PCDHA12: variants seen among roughly 807,000 people sequenced by gnomAD.
PCDHA12 encodes the protein protocadherin alpha-12.
In PCDHA12, 44 loss-of-function variants were observed where a neutral mutation model predicts 60.0. That is an observed-to-expected ratio of 0.73 (90% CI 0.58 to 0.94). The LOEUF (loss-of-function observed/expected upper bound fraction) is 0.94. Ranked by LOEUF, PCDHA12 falls within the 40% of genes least tolerant of loss-of-function variation. The pLI, the probability that PCDHA12 is intolerant of heterozygous loss-of-function variation, is 0.00. For synonymous variants in PCDHA12, 569 were observed against 553.0 expected, an observed-to-expected ratio of 1.03 and a Z score of -0.40; for missense variants, 1,276 against 1,239.7, an observed-to-expected ratio of 1.03 and a Z score of -0.44.
intron 1 of PCDHA12, among the ~76,000 whole-genome samples, chr5:140,962,827 C>T (rs1229108981): frequency 6.6e-6 from 1 of 152,164 alleles, no homozygotes; most frequent in East Asian, 1.9e-4. Flanking sequence ...GACCATTTGT[C>T]TCTTTTTTAT....
intron 1 of PCDHA12, among the ~76,000 whole-genome samples, chr5:140,941,207 CT>C (rs880001940): frequency 0.13 from 13,079 of 103,138 alleles, 665 homozygotes; most frequent in African/African-American, 0.21. Context: ...TTCTTCCTTT[CT>C]TTCTTCCTTT....
chr5:140,965,654 G>A (rs1194762396), intron 1 of PCDHA12, among the ~76,000 whole-genome samples: 5 of 152,150 alleles, frequency 3.3e-5, no homozygotes, highest in Non-Finnish European at 7.4e-5. Flanking sequence ...GAAAGAAAAT[G>A]TCTTGGGTGA....
intron 3 of PCDHA12, among the ~76,000 whole-genome samples, chr5:141,003,794 G>A (rs1158199764): frequency 6.6e-6 from 1 of 152,102 alleles, no homozygotes; most frequent in Non-Finnish European, 1.5e-5. Context: ...AAATCCTATT[G>A]GGTTGTAATC....
chr5:140,885,160 CTTTT>C (rs370486132), intron 1 of PCDHA12, among the ~76,000 whole-genome samples: 314 of 152,080 alleles, frequency 2.1e-3, no homozygotes, highest in African/African-American at 7.4e-3. Context: ...ATTGTCTCTA[CTTTT>C]TTGTCCTCTA....
intron 1 of PCDHA12, among the ~76,000 whole-genome samples, chr5:140,899,342 C>T (rs1317774028): frequency 6.6e-6 from 1 of 152,044 alleles, no homozygotes; most frequent in African/African-American, 2.4e-5. Context: ...ATAGATAGCT[C>T]TTATTATTTT....
chr5:140,962,245 T>C (rs2095666561), intron 1 of PCDHA12, among the ~76,000 whole-genome samples: 1 of 152,170 alleles, frequency 6.6e-6, no homozygotes, highest in Non-Finnish European at 1.5e-5. Context: ...ACCATTTTCT[T>C]CAATGAAAAA....
chr5:140,898,246 A>G (rs377438166), intron 1 of PCDHA12, among the ~76,000 whole-genome samples: 49 of 152,286 alleles, frequency 3.2e-4, no homozygotes, highest in African/African-American at 1.1e-3. Context: ...TTGGTGTTTT[A>G]GACATGAAGT....
intron 1 of PCDHA12, among the ~76,000 whole-genome samples, chr5:140,905,695 C>T (rs1350689939): frequency 6.6e-6 from 1 of 152,134 alleles, no homozygotes; most frequent in African/African-American, 2.4e-5. Context: ...TTGTTTGTGT[C>T]ATTTATGATT....
intron 1 of PCDHA12, among the ~76,000 whole-genome samples, chr5:140,899,251 G>T (rs1322090098): frequency 2.6e-5 from 4 of 152,082 alleles, no homozygotes; most frequent in African/African-American, 9.7e-5. Flanking sequence ...GTGAGAGAGG[G>T]CATCCCTGTC....
At chr5:140,880,198 G>C (rs1360437780) in intron 1 of PCDHA12, among the ~76,000 whole-genome samples, 1 of 152,164 alleles carries the variant, frequency 6.6e-6, no homozygotes, top group Non-Finnish European at 1.5e-5. Flanking sequence ...ATAAACAGAA[G>C]AGGTTTTCCA....
At chr5:140,958,586 T>A (rs561856247) in intron 1 of PCDHA12, among the ~76,000 whole-genome samples, 11 of 152,266 alleles carry the variant, frequency 7.2e-5, no homozygotes, top group African/African-American at 2.6e-4. Flanking sequence ...TAAATGAGCT[T>A]ATGATAATTG....
intron 1 of PCDHA12, chr5:140,926,949 G>C: frequency 3.8e-6 from 6 of 1,592,316 alleles, no homozygotes; most frequent in Non-Finnish European, 5.1e-6. Context: ...GCGCTGCAGC[G>C]GGACAGCTCG....
chr5:141,009,649 C>G lies in PCDHA12; in HGVS notation c.2538C>G (p.Ser846=). The change falls in exon 4 of 4, where the codon TCC becomes TCG. Residue 846 remains serine, a synonymous_variant. Coordinates refer to ENST00000398631, the MANE Select transcript of PCDHA12 (RefSeq NM_018903.4). ...ATPEPEAGEV[S]PPVGAGVNSN... ...CAGAACCAGAGGCAGGAGAAGTGTC[C>G]CCTCCAGTCGGTGCGGGTGTCAACA... 1 of 1,613,646 alleles carries G rather than the reference C, an allele frequency of 6.2e-7. No homozygotes were observed. The highest frequency in any genetic ancestry group is 8.5e-7 in the Non-Finnish European group (1 of 1,179,816).
At chr5:140,965,400 G>A (rs782574003) in intron 1 of PCDHA12, among the ~76,000 whole-genome samples, 1 of 152,154 alleles carries the variant, frequency 6.6e-6, no homozygotes, top group Non-Finnish European at 1.5e-5. Context: ...GAAGTCTAAG[G>A]AGTCTTATAT....
At position 140,877,486 on chromosome 5, in the gene PCDHA12, A is replaced by G; in HGVS notation, c.2014A>G (p.Asn672Asp). The G allele has an allele frequency of 3.7e-6, 6 of 1,613,722 alleles. No individual in the cohort carries two copies. The highest frequency in any genetic ancestry group is 5.1e-6 in the Non-Finnish European group (6 of 1,179,836). The change falls in exon 1 of 4, where the codon AAC (asparagine) becomes GAC (aspartate). Residue 672 changes from asparagine (N) to aspartate (D), a missense_variant. Physicochemically the swap from Asn to Asp is conservative, Grantham distance 23. Transcript: ENST00000398631. ...TATVLVSLVENGQAPKTSSRA... is the reference protein window; with the variant it reads ...TATVLVSLVEDGQAPKTSSRA... ...CACGGTGCTGGTGTCGCTGGTGGAG[A>G]ACGGCCAGGCCCCAAAGACGTCGTC...
intron 1 of PCDHA12, among the ~76,000 whole-genome samples, chr5:140,965,863 A>T (rs1275095146): frequency 6.6e-6 from 1 of 152,218 alleles, no homozygotes; most frequent in Non-Finnish European, 1.5e-5. Flanking sequence ...ACTGAAAATA[A>T]GGGCCACTTG....
chr5:140,878,350 T>C (rs932815141), intron 1 of PCDHA12, among the ~76,000 whole-genome samples: 1 of 152,250 alleles, frequency 6.6e-6, no homozygotes, highest in Non-Finnish European at 1.5e-5. Context: ...CACAATAATA[T>C]AAATGATATG....
At chr5:140,915,622 T>TTCTC (rs1418940406) in intron 1 of PCDHA12, among the ~76,000 whole-genome samples, 2 of 128,520 alleles carry the variant, frequency 1.6e-5, no homozygotes, top group South Asian at 2.5e-4. Flanking sequence ...AACAGTCTCT[T>TTCTC]TCTGTCTCTC....
chr5:140,897,762 A>C (rs572488219), intron 1 of PCDHA12, among the ~76,000 whole-genome samples: 15 of 152,204 alleles, frequency 9.9e-5, no homozygotes, highest in African/African-American at 2.7e-4. Context: ...AGGAATCGCC[A>C]CACTGACTTC....
Sources: gnomAD v4.1 joint callset for allele counts (sites outside exome capture counted in the v4.1 genomes callset) on GRCh38, gnomAD v4.1.1 for gene constraint, MANE v1.5 for transcripts, NCBI Gene and HGNC (gene_info 2026-07-23, HGNC 2026-07-21) for gene names.